KANK2: variants seen among roughly 807,000 people sequenced by gnomAD.
The protein encoded by KANK2 is KN motif and ankyrin repeat domains 2, also known as KN motif and ankyrin repeat domain-containing protein 2.
KANK2 carries 41 observed loss-of-function variants against 74.6 expected under a neutral mutation model. That is an observed-to-expected ratio of 0.55 (90% CI 0.43 to 0.71). The LOEUF (loss-of-function observed/expected upper bound fraction) is 0.71. Among genes scored for constraint, KANK2 ranks in the 30% least tolerant of loss-of-function variants. The pLI is 0.00. For missense variants in KANK2, 1,148 were observed against 1,196.4 expected (o/e 0.96, Z 0.60); for synonymous variants, 537 against 519.0 (o/e 1.03, Z -0.47).
At chr19:11,173,873 G>A (rs568015508) in intron 9 of KANK2, among the ~76,000 whole-genome samples, 1 of 152,288 alleles carries the variant, frequency 6.6e-6, no homozygotes, top group African/African-American at 2.4e-5. Flanking sequence ...TGACTGGGAA[G>A]ACAGCGTCTC....
rs1427962295 is a variant in KANK2, at chr19:11,192,866, ATCT to A, written c.1211_1213del (p.Lys404del). The A allele has an allele frequency of 3.1e-6, 5 of 1,613,260 alleles. No individual in the cohort carries two copies. Among genetic ancestry groups the A allele is most frequent in the Middle Eastern group, 1.6e-4 (1 of 6,062 alleles). On this transcript the variant is annotated inframe_deletion, in exon 4 of 13. Coordinates refer to ENST00000586659, the MANE Select transcript of KANK2 (RefSeq NM_001136191.3). ...ATCGCAGCTTCGCTCTGTGATGCTA[ATCT>A]TCTTCACCATATGGACGTTGCTGGT...
rs757354751 is a variant in KANK2, at chr19:11,194,550, G to A, written c.-39C>T. 1 of 1,573,340 alleles carries A rather than the reference G, an allele frequency of 6.4e-7. No homozygotes were observed. The highest frequency in any genetic ancestry group is 8.7e-7 in the Non-Finnish European group (1 of 1,144,090). On this transcript the variant is annotated 5_prime_UTR_variant, in exon 3 of 13. Coordinates refer to ENST00000586659, the MANE Select transcript of KANK2 (RefSeq NM_001136191.3). ...GATGCTCCTTGGAAGTCACTTGAGGGACTGCGAGTCAGACTGCCTGCAGCA... is the reference window on the plus strand; with the variant it reads ...GATGCTCCTTGGAAGTCACTTGAGGAACTGCGAGTCAGACTGCCTGCAGCA...
chr19:11,191,696 G>A (rs374357122), intron 4 of KANK2, among the ~76,000 whole-genome samples: 63 of 152,316 alleles, frequency 4.1e-4, no homozygotes, highest in African/African-American at 1.4e-3. Flanking sequence ...ACTTTCCCTT[G>A]CCTGCCTGAA....
Position 11,194,572 on chromosome 19 carries a change from A to G in KANK2, c.-61T>C. Reference sequence around the variant, plus strand: ...AGGGACTGCGAGTCAGACTGCCTGCAGCACCGGCTGAGGCTTACCTGGGGA... The same window carrying G: ...AGGGACTGCGAGTCAGACTGCCTGCGGCACCGGCTGAGGCTTACCTGGGGA... On this transcript the variant is annotated 5_prime_UTR_variant, in exon 3 of 13. Transcript: ENST00000586659. 3 of 1,369,134 alleles carry G rather than the reference A, an allele frequency of 2.2e-6. No homozygotes were observed. Among genetic ancestry groups the G allele is most frequent in the Non-Finnish European group, 2.1e-6 (2 of 958,848 alleles). 84.8% of individuals were successfully genotyped at this position (1,369,134 alleles called of 1,614,324 possible).
At chr19:11,187,370 G>C (rs895674932) in intron 4 of KANK2, among the ~76,000 whole-genome samples, 1 of 152,250 alleles carries the variant, frequency 6.6e-6, no homozygotes, top group South Asian at 2.1e-4. Flanking sequence ...GAAACAGAAA[G>C]AGATTTTTTT....
chr19:11,183,365 G>C (rs1197290965), intron 4 of KANK2, among the ~76,000 whole-genome samples: 1 of 152,186 alleles, frequency 6.6e-6, no homozygotes, highest in Non-Finnish European at 1.5e-5. Flanking sequence ...AGCCAAGCTG[G>C]ATCTCTATCT....
intron 6 of KANK2, among the ~76,000 whole-genome samples, chr19:11,177,740 C>A (rs1430953041): frequency 1.3e-5 from 2 of 152,154 alleles, no homozygotes; most frequent in Non-Finnish European, 2.9e-5. Flanking sequence ...CTGGACAAAA[C>A]CTAATCAAGC....
At chr19:11,181,236 T>TTTATTATTATTATTA (rs200654235) in intron 4 of KANK2, among the ~76,000 whole-genome samples, 34 of 148,034 alleles carry the variant, frequency 2.3e-4, no homozygotes, top group African/African-American at 7.7e-4. Flanking sequence ...GTTGTCAAGA[T>TTTATTATTATTATTA]TTATTATTAT....
chr19:11,193,714 C>T lies in KANK2; in HGVS notation c.366G>A (p.Pro122=), dbSNP rs369034982. The stretch of plus-strand genomic sequence containing the variant: ...CATCCAGCAGCGTGCGCTCCACCCG[C>T]GGATTGAAGCCACCGCGGGTCTCCA... The part of the protein sequence containing the change: ...GALETRGGFN[P]RVERTLLDAR... The change falls in exon 4 of 13, where the codon CCG becomes CCA. Residue 122 remains proline (P), a synonymous_variant. Transcript: ENST00000586659. This position sits in a 1 kb window ranked among gnomAD's most constrained non-coding sequence, Gnocchi z 9.6. The T allele has an allele frequency of 1.1e-5, 17 of 1,612,132 alleles. No individual in the cohort carries two copies. The African/African-American group carries it at 1.1e-4, about 10-fold the overall frequency.
At chr19:11,186,379 C>T (rs2078675209) in intron 4 of KANK2, among the ~76,000 whole-genome samples, 1 of 148,642 alleles carries the variant, frequency 6.7e-6, no homozygotes, top group South Asian at 2.1e-4. Flanking sequence ...CAGAGCAAGA[C>T]TCTGTCTCAA....
intron 12 of KANK2, among the ~76,000 whole-genome samples, chr19:11,168,837 A>G (rs113185011): frequency 0.021 from 3,265 of 152,304 alleles, 122 homozygotes; most frequent in African/African-American, 0.075. Flanking sequence ...ATGAAGGTTC[A>G]GCAAGCAGCT....
At position 11,193,969 on chromosome 19, in the gene KANK2, G is replaced by C. The variant is rs761142095; in HGVS notation, c.111C>G (p.Pro37=). Residue 37 remains proline, a synonymous_variant, in exon 4 of 13, where the codon CCC becomes CCG. Transcript: ENST00000586659. The surrounding 1 kb of genome is among the most constrained non-coding windows in gnomAD (Gnocchi z 9.6). The part of the protein sequence containing the change: ...DPDPPYSVET[P]YGYRLDLDFL... Reference sequence around the variant, plus strand: ...AGTCCAGGTCCAGGCGGTAGCCATAGGGGGTCTCCACGGAGTAGGGTGGAT... The same window carrying C: ...AGTCCAGGTCCAGGCGGTAGCCATACGGGGTCTCCACGGAGTAGGGTGGAT... The C allele has an allele frequency of 6.2e-7, 1 of 1,614,074 alleles. No individual in the cohort carries two copies. Among genetic ancestry groups the C allele is most frequent in the Non-Finnish European group, 8.5e-7 (1 of 1,179,978 alleles).
At chr19:11,169,363 C>T (rs1401969013) in intron 12 of KANK2, among the ~76,000 whole-genome samples, 1 of 150,986 alleles carries the variant, frequency 6.6e-6, no homozygotes, top group Non-Finnish European at 1.5e-5. Context: ...AAAAACTCAG[C>T]CAGGTGTGGT....
intron 10 of KANK2, 88 bp downstream of exon 10, chr19:11,172,893 G>C: frequency 6.9e-7 from 1 of 1,443,598 alleles, no homozygotes; most frequent in East Asian, 2.3e-5. Context: ...TCTGGAGTTA[G>C]ACCACCTGGG....
chr19:11,178,169 C>T (rs1414285760), intron 6 of KANK2, among the ~76,000 whole-genome samples, 176 bp downstream of exon 6: 1 of 152,184 alleles, frequency 6.6e-6, no homozygotes, highest in African/African-American at 2.4e-5. Context: ...GAGTGAGCTC[C>T]AGAAATGCGC....
intron 4 of KANK2, among the ~76,000 whole-genome samples, chr19:11,187,387 CACA>C (rs562387312): frequency 4.6e-5 from 7 of 151,888 alleles, no homozygotes; most frequent in Non-Finnish European, 8.8e-5. Flanking sequence ...TTTTCTGAAG[CACA>C]ACACCATTTA....
Position 11,173,040 on chromosome 19 carries a change from C to T in KANK2, c.2152G>A (p.Asp718Asn), listed in dbSNP as rs752050429. Residue 718 changes from aspartate (D) to asparagine (N), a missense_variant, in exon 10 of 13, where the codon GAC becomes AAC. Transcript: ENST00000586659. ...TALATLKTQDDIETVLQLFRL... is the reference protein window; with the variant it reads ...TALATLKTQDNIETVLQLFRL... ...AAGAGCTGAAGGACAGTCTCGATGT[C>T]GTCCTGGGTCTTCAGGGTGGCCAGG... is the stretch of plus-strand genomic sequence containing the variant. The T allele has an allele frequency of 4.2e-5, 67 of 1,613,960 alleles. No homozygotes were observed. The highest frequency in any genetic ancestry group is 6.7e-5 in the Admixed American group (4 of 59,980).
At chr19:11,172,747 G>A (rs1459951877) in intron 10 of KANK2, among the ~76,000 whole-genome samples, 1 of 152,132 alleles carries the variant, frequency 6.6e-6, no homozygotes, top group Non-Finnish European at 1.5e-5. Flanking sequence ...GAACCCAGCT[G>A]CTGCTCAATG....
chr19:11,194,698 C>A, intron 2 of KANK2, 108 bp from the exon 3 acceptor site: 1 of 565,824 alleles, frequency 1.8e-6, no homozygotes, highest in Non-Finnish European at 3.2e-6. Context: ...CAACCCAGGT[C>A]TGGGACCCAC....
Sources: allele counts gnomAD v4.1 joint callset (sites outside exome capture counted in the v4.1 genomes callset), GRCh38; gene constraint gnomAD v4.1.1; non-coding constraint Gnocchi (gnomAD v3.1); transcripts MANE v1.5; gene names NCBI Gene and HGNC (gene_info 2026-07-23, HGNC 2026-07-21).